Variants in GRM8 observed in about 807,000 individuals in gnomAD.
GRM8 encodes metabotropic glutamate receptor 8.
In GRM8, 47 loss-of-function variants were observed where a neutral mutation model predicts 87.2. The ratio of observed to expected loss-of-function variants is 0.54; its 90% CI spans 0.43 to 0.69. The LOEUF (loss-of-function observed/expected upper bound fraction) is 0.69, where lower values mean the gene tolerates loss of function less well. Ranked by LOEUF, GRM8 falls within the 30% of genes least tolerant of loss-of-function variation. GRM8 has a pLI of 0.00. For synonymous variants in GRM8, 396 were observed against 404.5 expected, an observed-to-expected ratio of 0.98 and a Z score of 0.25; for missense variants, 1,019 against 1,139.2, an observed-to-expected ratio of 0.89 and a Z score of 1.52.
intron 2 of GRM8, among the ~76,000 whole-genome samples, chr7:127,206,857 A>T (rs1795944307): frequency 6.6e-6 from 1 of 152,216 alleles, no homozygotes; most frequent in African/African-American, 2.4e-5. Flanking sequence ...CTTTTCCTTA[A>T]TTATCAGCCA....
intron 2 of GRM8, among the ~76,000 whole-genome samples, chr7:127,150,643 G>A (rs1214479109): frequency 6.6e-6 from 1 of 152,078 alleles, no homozygotes; most frequent in African/African-American, 2.4e-5. Context: ...CAGAAAGACT[G>A]TAAAAGTCAC....
At chr7:126,447,851 C>T (rs1294166701) in intron 9 of GRM8, among the ~76,000 whole-genome samples, 1 of 151,864 alleles carries the variant, frequency 6.6e-6, no homozygotes, top group African/African-American at 2.4e-5. Context: ...TAAGGCTGTC[C>T]TTGCATCCTT....
chr7:127,188,573 A>G (rs747214872), intron 2 of GRM8, among the ~76,000 whole-genome samples: 1 of 152,160 alleles, frequency 6.6e-6, no homozygotes, highest in Non-Finnish European at 1.5e-5. Context: ...GTGCTTTATT[A>G]TTTTGTACAT....
chr7:126,827,878 T>C (rs1377918421), intron 6 of GRM8, among the ~76,000 whole-genome samples: 1 of 152,242 alleles, frequency 6.6e-6, no homozygotes. Flanking sequence ...TATTTTGAGA[T>C]ACATCCCATC....
At chr7:127,203,921 C>T (rs1311487989) in intron 2 of GRM8, among the ~76,000 whole-genome samples, 1 of 151,906 alleles carries the variant, frequency 6.6e-6, no homozygotes, top group Non-Finnish European at 1.5e-5. Context: ...CATTGTAGAA[C>T]TTCTTAAATG....
At chr7:127,187,243 A>G (rs1232614406) in intron 2 of GRM8, among the ~76,000 whole-genome samples, 1 of 152,200 alleles carries the variant, frequency 6.6e-6, no homozygotes, top group Non-Finnish European at 1.5e-5. Flanking sequence ...GCTGTTTAAA[A>G]GAACATCGTT....
At chr7:127,118,825 C>T (rs904293628) in intron 2 of GRM8, among the ~76,000 whole-genome samples, 5 of 152,154 alleles carry the variant, frequency 3.3e-5, no homozygotes, top group South Asian at 2.1e-4. Flanking sequence ...GCTTCCTCCC[C>T]GTTTCCACCT....
chr7:126,906,202 G>A (rs1486315221), intron 3 of GRM8, among the ~76,000 whole-genome samples: 1 of 152,132 alleles, frequency 6.6e-6, no homozygotes, highest in Non-Finnish European at 1.5e-5. Context: ...ACTGAACCAG[G>A]AAGAGGGCCC....
chr7:126,842,696 G>C (rs1391157409), intron 6 of GRM8, among the ~76,000 whole-genome samples: 1 of 152,166 alleles, frequency 6.6e-6, no homozygotes, highest in East Asian at 1.9e-4. Flanking sequence ...GGCATAATCA[G>C]AAAGACTCCA....
At chr7:127,245,245 A>T (rs1798524237) in intron 1 of GRM8, among the ~76,000 whole-genome samples, 1 of 152,366 alleles carries the variant, frequency 6.6e-6, no homozygotes, top group South Asian at 2.1e-4. Flanking sequence ...CAGTCACATG[A>T]TAGTAAAACC....
chr7:127,160,527 A>ACACGCG (rs1554603505), intron 2 of GRM8, among the ~76,000 whole-genome samples: 1 of 149,768 alleles, frequency 6.7e-6, no homozygotes, highest in Middle Eastern at 3.2e-3. Context: ...AGGCTCCATC[A>ACACGCG]CGCGCGCGCA....
chr7:126,764,184 T>G lies in GRM8; in HGVS notation c.1357+5681A>C, dbSNP rs150649073. 3.3e-3 allele frequency among the ~76,000 whole-genome samples: 502 copies of G among 152,102 alleles called. 2 individuals carry two copies. Among genetic ancestry groups the G allele is most frequent in the Non-Finnish European group, 5.2e-3 (352 of 67,868 alleles). ...ATCTTTGTCATTTTTGTTTCATGTT[T>G]ATCACACTGGTTAAAACTGATAGAA... On this transcript the variant is annotated intron_variant, in intron 7 of 10. Transcript: ENST00000339582.
chr7:126,957,385 A>C (rs1670419021), intron 3 of GRM8, among the ~76,000 whole-genome samples: 1 of 152,070 alleles, frequency 6.6e-6, no homozygotes, highest in African/African-American at 2.4e-5. Flanking sequence ...AATAGGTGGG[A>C]GCCCCATCCC....
intron 9 of GRM8, among the ~76,000 whole-genome samples, chr7:126,487,282 G>A (rs1383241716): frequency 6.6e-6 from 1 of 151,698 alleles, no homozygotes; most frequent in East Asian, 1.9e-4. Context: ...ACGCAATATG[G>A]TTGAAAAATT....
chr7:126,529,238 C>G (rs1814409411), intron 9 of GRM8, among the ~76,000 whole-genome samples: 1 of 152,026 alleles, frequency 6.6e-6, no homozygotes, highest in South Asian at 2.1e-4. Flanking sequence ...ACAGAAGATT[C>G]CCATTGTGCT....
chr7:126,924,268 G>A (rs933750558), intron 3 of GRM8, among the ~76,000 whole-genome samples: 2 of 152,190 alleles, frequency 1.3e-5, no homozygotes, highest in African/African-American at 4.8e-5. Flanking sequence ...TGGATTCATA[G>A]GGCATTCCTT....
At chr7:126,662,219 T>C (rs1197481229) in intron 7 of GRM8, among the ~76,000 whole-genome samples, 1 of 152,136 alleles carries the variant, frequency 6.6e-6, no homozygotes, top group Non-Finnish European at 1.5e-5. Flanking sequence ...ATGCTGAAGA[T>C]AACAGAATAA....
chr7:126,588,588 G>T (rs1796382308), intron 8 of GRM8, among the ~76,000 whole-genome samples: 1 of 152,144 alleles, frequency 6.6e-6, no homozygotes, highest in Non-Finnish European at 1.5e-5. Flanking sequence ...TAAAGAAAAT[G>T]TGACACATAG....
rs563673215 is a variant in GRM8 at position 127,192,775 on chromosome 7, T to C, written c.510+49920A>G. 5.3e-5 allele frequency among the ~76,000 whole-genome samples: 8 copies of C among 152,326 alleles called. No individual in the cohort carries two copies. In the South Asian group the frequency reaches 1.7e-3, roughly 32 times the overall value. The stretch of plus-strand genomic sequence containing the variant: ...ATGCCTGAAGCTGCCCAAAGCCTTG[T>C]TGGCGAAGAGATATCAAGCTGGAAC... On this transcript the variant is annotated intron_variant, in intron 2 of 10. Coordinates refer to ENST00000339582, the MANE Select transcript of GRM8 (RefSeq NM_000845.3).
Sources: gnomAD v4.1 joint callset for allele counts (sites outside exome capture counted in the v4.1 genomes callset) on GRCh38, gnomAD v4.1.1 for gene constraint, MANE v1.5 for transcripts, NCBI Gene and HGNC (gene_info 2026-07-23, HGNC 2026-07-21) for gene names.